DAB1: variants seen among roughly 807,000 people sequenced by gnomAD.
The protein encoded by DAB1 is DAB adaptor protein 1.
Under a neutral mutation model 64.6 loss-of-function variants are expected in DAB1, and 15 were observed. The observed-to-expected ratio is 0.23, with a 90% CI of 0.16 to 0.36. DAB1 has a LOEUF of 0.36. Among genes scored for constraint, DAB1 ranks in the 10% least tolerant of loss-of-function variants. DAB1 has a pLI of 1.00. For missense variants in DAB1, 596 were observed against 706.7 expected (o/e 0.84, Z 1.78); for synonymous variants, 235 against 251.9 (o/e 0.93, Z 0.64).
chr1:57,478,586 CTTTTTTT>C lies in DAB1; in HGVS notation n.625+170999_625+171005del, dbSNP rs35538831. On this transcript the variant is annotated intron_variant and non_coding_transcript_variant, in intron 7 of 20. Transcript: ENST00000485760. ...CAATTTGTTTAACAATATTCCCATT[CTTTTTTT>C]TTTTTTTTTTTTTTTTTGAGACAGA... 6.2e-5 allele frequency among the ~76,000 whole-genome samples: 5 copies of C among 81,224 alleles called. No homozygotes were observed. In the South Asian group the frequency reaches 1.4e-3, roughly 23 times the overall value. The allele number at this position is 81,224 out of a possible 152,430, so 53.3% of individuals were successfully genotyped here. A position where few individuals can be genotyped will look rare whatever the true frequency, so the allele number is the denominator to read the frequency against.
chr1:57,791,266 A>G (rs1013298809), intron 6 of DAB1, among the ~76,000 whole-genome samples: 7 of 152,210 alleles, frequency 4.6e-5, no homozygotes, highest in Non-Finnish European at 1.0e-4. Context: ...TTGGAACTTG[A>G]CATATATTAC....
At chr1:57,979,736 C>T (rs1045687330) in intron 5 of DAB1, among the ~76,000 whole-genome samples, 1 of 152,144 alleles carries the variant, frequency 6.6e-6, no homozygotes, top group Non-Finnish European at 1.5e-5. Context: ...GATAACCCAC[C>T]TAAGTCTCAT....
At chr1:57,327,619 C>T (rs983222608) in intron 1 of DAB1, among the ~76,000 whole-genome samples, 4 of 152,062 alleles carry the variant, frequency 2.6e-5, no homozygotes, top group African/African-American at 9.7e-5. Context: ...CAAAATGATA[C>T]CATGTGTCAA....
intron 14 of DAB1, among the ~76,000 whole-genome samples, chr1:57,003,501 T>C (rs1293799852): frequency 6.6e-6 from 1 of 152,156 alleles, no homozygotes; most frequent in African/African-American, 2.4e-5. Flanking sequence ...TGCTTTTTTT[T>C]TTTAATCTTT....
intron 6 of DAB1, among the ~76,000 whole-genome samples, chr1:57,730,104 C>T (rs377620723): frequency 2.6e-5 from 4 of 152,258 alleles, no homozygotes; most frequent in African/African-American, 9.6e-5. Context: ...ATTCTAATTT[C>T]CTCTCAAACT....
At chr1:57,317,163 T>G (rs1302509536) in intron 1 of DAB1, among the ~76,000 whole-genome samples, 1 of 152,104 alleles carries the variant, frequency 6.6e-6, no homozygotes, top group African/African-American at 2.4e-5. Context: ...GCAAACAGCC[T>G]AAGAAGAACT....
intron 4 of DAB1, among the ~76,000 whole-genome samples, chr1:57,084,379 G>C (rs1289421386): frequency 6.6e-6 from 1 of 152,106 alleles, no homozygotes; most frequent in Non-Finnish European, 1.5e-5. Flanking sequence ...CCCTCAGAAA[G>C]AACAATCCCT....
At chr1:58,239,392 A>C (rs1341887399) in intron 4 of DAB1, among the ~76,000 whole-genome samples, 3 of 152,320 alleles carry the variant, frequency 2.0e-5, no homozygotes, top group Middle Eastern at 3.4e-3. Flanking sequence ...TGGAGGAAGA[A>C]AGGACATGTT....
At chr1:58,503,658 C>T (rs1645943714) in intron 3 of DAB1, among the ~76,000 whole-genome samples, 1 of 151,960 alleles carries the variant, frequency 6.6e-6, no homozygotes, top group African/African-American at 2.4e-5. Context: ...AGCTCCCTTG[C>T]CCCTTCTACC....
At chr1:57,319,117 T>C (rs1246596847) in intron 1 of DAB1, among the ~76,000 whole-genome samples, 1 of 152,204 alleles carries the variant, frequency 6.6e-6, no homozygotes, top group Non-Finnish European at 1.5e-5. Context: ...AACCACCTTG[T>C]CTTTTTAGAA....
At chr1:57,311,244 C>T (rs533893851) in intron 1 of DAB1, among the ~76,000 whole-genome samples, 1 of 151,764 alleles carries the variant, frequency 6.6e-6, no homozygotes, top group African/African-American at 2.4e-5. Context: ...ACAAAGTACA[C>T]TCTGTCATCA....
rs113729930 is a variant in DAB1, at chr1:57,984,256, GAA to G, written n.388-100096_388-100095del. Among the ~76,000 whole-genome samples, 491 of 128,964 alleles carry G rather than the reference GAA, an allele frequency of 3.8e-3. 13 individuals carry two copies. Among genetic ancestry groups the G allele is most frequent in the Middle Eastern group, 0.013 (3 of 234 alleles). The allele number at this position is 128,964 out of a possible 152,430, so 84.6% of individuals were successfully genotyped here. On this transcript the variant is annotated intron_variant and non_coding_transcript_variant, in intron 5 of 20. Transcript: ENST00000485760. ...AGAAAGAAAGAAAGAAAGAAAGAAAGAAAGAAAAAAAATTAAACAGCCAAACC... is the reference window on the plus strand; with the variant it reads ...AGAAAGAAAGAAAGAAAGAAAGAAAGAGAAAAAAAATTAAACAGCCAAACC...
At chr1:57,062,588 C>G (rs1488728492) in intron 9 of DAB1, among the ~76,000 whole-genome samples, 2 of 152,108 alleles carry the variant, frequency 1.3e-5, no homozygotes, top group Non-Finnish European at 2.9e-5. Flanking sequence ...AGACTTTTGC[C>G]CTAGAACACC....
chr1:57,459,209 AT>A (rs1686700775), intron 7 of DAB1, among the ~76,000 whole-genome samples: 1 of 151,030 alleles, frequency 6.6e-6, no homozygotes, highest in African/African-American at 2.4e-5. Flanking sequence ...TTTTCACTTA[AT>A]TTTATTTCAT....
chr1:57,920,388 C>T (rs759251115), intron 5 of DAB1, among the ~76,000 whole-genome samples: 2 of 152,198 alleles, frequency 1.3e-5, no homozygotes, highest in African/African-American at 2.4e-5. Context: ...ACATGGCTCA[C>T]TGCAGCCTGG....
chr1:57,768,049 C>A (rs546074586), intron 6 of DAB1, among the ~76,000 whole-genome samples: 1 of 151,462 alleles, frequency 6.6e-6, no homozygotes, highest in African/African-American at 2.4e-5. Flanking sequence ...TGGTGGTGTG[C>A]GCCTGTAATC....
intron 8 of DAB1, among the ~76,000 whole-genome samples, chr1:57,068,087 G>A (rs1349681160): frequency 6.8e-6 from 1 of 146,364 alleles, no homozygotes; most frequent in Non-Finnish European, 1.5e-5. Context: ...AAGGCTCAAT[G>A]GGAGCCCTGC....
chr1:57,351,444 G>A (rs1049676114), intron 1 of DAB1, among the ~76,000 whole-genome samples: 13 of 152,078 alleles, frequency 8.5e-5, no homozygotes, highest in African/African-American at 3.1e-4. Context: ...AACAAAGGAG[G>A]GGAGTTGAAC....
At chr1:57,120,414 C>T (rs1349363875) in intron 4 of DAB1, among the ~76,000 whole-genome samples, 1 of 152,140 alleles carries the variant, frequency 6.6e-6, no homozygotes, top group East Asian at 1.9e-4. Flanking sequence ...GGAAGGTATG[C>T]TGCCACTAAA....
Sources: allele counts gnomAD v4.1 joint callset (sites outside exome capture counted in the v4.1 genomes callset), GRCh38; gene constraint gnomAD v4.1.1; transcripts MANE v1.5; gene names NCBI Gene and HGNC (gene_info 2026-07-23, HGNC 2026-07-21).